The following PDE2A variants were observed in gnomAD, a reference collection of about 807,000 sequenced individuals.
The protein encoded by PDE2A is cGMP-dependent 3',5'-cyclic phosphodiesterase.
A neutral mutation model predicts 133.6 loss-of-function variants in PDE2A; 53 were observed. The ratio of observed to expected loss-of-function variants is 0.40; its 90% CI spans 0.32 to 0.50. The LOEUF (loss-of-function observed/expected upper bound fraction) is 0.50. Ranked by LOEUF, PDE2A falls within the 20% of genes least tolerant of loss-of-function variation. The pLI is 0.73. For missense variants in PDE2A, 796 were observed against 1,232.4 expected (o/e 0.65, Z 5.30); for synonymous variants, 491 against 490.2 (o/e 1.00, Z -0.02).
chr11:72,595,524 C>A (rs996908233), intron 6 of PDE2A, among the ~76,000 whole-genome samples: 5 of 152,062 alleles, frequency 3.3e-5, no homozygotes, highest in East Asian at 1.9e-4. Context: ...CTCCCCTCCC[C>A]CCTCTCCTCC....
Position 72,590,492 on chromosome 11 carries a change from G to T in PDE2A, c.638C>A (p.Thr213Lys). ...CGCCCCGCCCTTCTGGTCTTCCGCC[G>T]TCCCCTCCGGGGGGTTCTGGACGGC... ...PRAVQNPPEG[T>K]AEDQKGGAAY... The change falls in exon 8 of 31, where the codon ACG (threonine) becomes AAG (lysine). Residue 213 changes from threonine to lysine, a missense_variant. Around this residue, in one of 7 missense-constraint regions of PDE2A, gnomAD observed 417 missense variants for 475.3 expected, o/e 0.88. Coordinates refer to ENST00000334456, the MANE Select transcript of PDE2A (RefSeq NM_002599.5). This position sits in a 1 kb window ranked among gnomAD's most constrained non-coding sequence, Gnocchi z 4.8. 1 of 1,520,300 alleles carries T rather than the reference G, an allele frequency of 6.6e-7. No individual in the cohort carries two copies. The highest frequency in any genetic ancestry group is 8.8e-7 in the Non-Finnish European group (1 of 1,138,374). The allele number at this position is 1,520,300 out of a possible 1,614,324, so 94.2% of individuals were successfully genotyped here.
chr11:72,600,393 C>T (rs1036234754), intron 4 of PDE2A, among the ~76,000 whole-genome samples: 1 of 152,090 alleles, frequency 6.6e-6, no homozygotes, highest in South Asian at 2.1e-4. Context: ...TTCCAAGGAC[C>T]CTCAATTCTT....
intron 2 of PDE2A, among the ~76,000 whole-genome samples, chr11:72,637,588 C>T (rs1283304499): frequency 2.6e-5 from 4 of 152,222 alleles, no homozygotes; most frequent in Non-Finnish European, 5.9e-5. Flanking sequence ...TATGTCAGTC[C>T]TAAGGCAGCA....
At chr11:72,633,438 A>G (rs901214775) in intron 2 of PDE2A, among the ~76,000 whole-genome samples, 1 of 152,176 alleles carries the variant, frequency 6.6e-6, no homozygotes, top group African/African-American at 2.4e-5. Flanking sequence ...CTAGGCTCAC[A>G]GAGTTCAGTT....
At chr11:72,601,122 C>A (rs12805517) in intron 4 of PDE2A, among the ~76,000 whole-genome samples, 1 of 133,454 alleles carries the variant, frequency 7.5e-6, no homozygotes, top group South Asian at 2.7e-4. Flanking sequence ...GGAACCCCAT[C>A]CCCCCAGGGA....
chr11:72,584,839 C>T (rs1034796114), intron 17 of PDE2A, 33 bp downstream of exon 17: 9 of 1,611,560 alleles, frequency 5.6e-6, no homozygotes, highest in African/African-American at 1.3e-5. Context: ...CCGGACACCC[C>T]TAGGGCCACA....
chr11:72,636,606 C>T (rs541349714), intron 2 of PDE2A, among the ~76,000 whole-genome samples: 1 of 152,272 alleles, frequency 6.6e-6, no homozygotes, highest in Non-Finnish European at 1.5e-5. Flanking sequence ...GTCTTCCCTC[C>T]TATACATCTC....
chr11:72,661,752 G>T (rs1461670576), intron 1 of PDE2A, among the ~76,000 whole-genome samples: 1 of 152,242 alleles, frequency 6.6e-6, no homozygotes, highest in African/African-American at 2.4e-5. Context: ...TGACTATCTT[G>T]GCATCTGTGT....
chr11:72,588,355 C>A (rs1856073512), intron 13 of PDE2A, among the ~76,000 whole-genome samples: 1 of 151,430 alleles, frequency 6.6e-6, no homozygotes, highest in Non-Finnish European at 1.5e-5. Flanking sequence ...TTTTGTGTAT[C>A]ATTTTTATAG....
rs1158423281 is a variant in PDE2A at position 72,582,556 on chromosome 11, T to A, written c.1739A>T (p.Asp580Val). ...MMMYHMKVSD[D>V]EYTKLLHDGI... ...ATCATGGAGAAGTTTGGTATACTCA[T>A]CATCGGAGACCTAGAGGAGACCAGC... The change falls in exon 21 of 31, where the codon GAT becomes GTT. Residue 580 changes from aspartate (D) to valine (V), a missense_variant. Asp to Val is a radical substitution (Grantham distance 152). Coordinates refer to ENST00000334456, the MANE Select transcript of PDE2A (RefSeq NM_002599.5). 1 of 1,613,224 alleles carries A rather than the reference T, an allele frequency of 6.2e-7. No homozygotes were observed. The highest frequency in any genetic ancestry group is 8.5e-7 in the Non-Finnish European group (1 of 1,179,496).
At position 72,578,734 on chromosome 11, in the gene PDE2A, C is replaced by T. The variant is rs1215836605; in HGVS notation, c.2469+163G>A. 6.6e-6 allele frequency among the ~76,000 whole-genome samples: 1 copy of T among 152,204 alleles called. No homozygotes were observed. Among genetic ancestry groups the T allele is most frequent in the African/African-American group, 2.4e-5 (1 of 41,446 alleles). ...AGCCACTGACTTGCTAGGTCTGTTC[C>T]CCTCTCTGAGTCTCCATTTGTCACC... On this transcript the variant is annotated intron_variant, in intron 28 of 30. Transcript: ENST00000334456. This position sits in a 1 kb window ranked among gnomAD's most constrained non-coding sequence, Gnocchi z 4.2.
At chr11:72,664,469 G>C (rs1228384038) in intron 1 of PDE2A, among the ~76,000 whole-genome samples, 2 of 138,204 alleles carry the variant, frequency 1.4e-5, no homozygotes, top group Non-Finnish European at 3.0e-5. Flanking sequence ...CGCCTCCTGA[G>C]TTCATGCCAT....
chr11:72,640,910 A>T (rs1319548381), intron 2 of PDE2A, among the ~76,000 whole-genome samples: 2 of 152,144 alleles, frequency 1.3e-5, no homozygotes. Context: ...CACATAGCAC[A>T]CAATGCCATA....
intron 2 of PDE2A, among the ~76,000 whole-genome samples, chr11:72,641,421 G>T (rs557727985): frequency 6.6e-6 from 1 of 152,226 alleles, no homozygotes; most frequent in African/African-American, 2.4e-5. Flanking sequence ...AGAGGAAGGG[G>T]TGGCTGCAGA....
rs544377650 is a variant in PDE2A, at chr11:72,615,363, A to T, written c.145-6612T>A. ...GTTTGGGGGTGGATGAAGGAATGGG[A>T]AGAGGGAAAGAGCAGGAGAAGGCAG... On this transcript the variant is annotated intron_variant, in intron 2 of 30. Transcript: ENST00000334456. 2.1e-4 allele frequency among the ~76,000 whole-genome samples: 32 copies of T among 152,318 alleles called. 1 individual carries two copies. The highest frequency in any genetic ancestry group is 3.4e-3 in the Middle Eastern group (1 of 294).
Position 72,589,196 on chromosome 11 carries a change from G to A in PDE2A, c.918C>T (p.Ile306=). Residue 306 remains isoleucine, a synonymous_variant, in exon 12 of 31, where the codon ATC becomes ATT. Coordinates refer to ENST00000334456, the MANE Select transcript of PDE2A (RefSeq NM_002599.5). Reference sequence around the variant, plus strand: ...TTACGGAGGTGAGGTCCTTCAGCTGGATGGACTTCTTGTCTTCCACCACCT... The same window carrying A: ...TTACGGAGGTGAGGTCCTTCAGCTGAATGGACTTCTTGTCTTCCACCACCT... ...LGQVVEDKKS[I]QLKDLTSEDV... 2 of 1,613,852 alleles carry A rather than the reference G, an allele frequency of 1.2e-6. No homozygotes were observed. Among genetic ancestry groups the A allele is most frequent in the Non-Finnish European group, 8.5e-7 (1 of 1,179,838 alleles).
intron 1 of PDE2A, among the ~76,000 whole-genome samples, chr11:72,663,197 A>T (rs545396546): frequency 2.8e-4 from 43 of 152,280 alleles, no homozygotes; most frequent in African/African-American, 9.6e-4. Flanking sequence ...GTCCATCTCC[A>T]TGGCCAGGGT....
chr11:72,668,850 C>G (rs965781009), intron 1 of PDE2A, among the ~76,000 whole-genome samples: 2 of 152,184 alleles, frequency 1.3e-5, no homozygotes, highest in African/African-American at 4.8e-5. Flanking sequence ...CTTTGTGCTT[C>G]TCACCGTAGC....
intron 2 of PDE2A, among the ~76,000 whole-genome samples, chr11:72,635,610 C>T (rs2030550263): frequency 6.6e-6 from 1 of 152,218 alleles, no homozygotes; most frequent in Admixed American, 6.5e-5. Flanking sequence ...CACAGACTAA[C>T]AATTCCAGAT....
Sources: allele counts gnomAD v4.1 joint callset (sites outside exome capture counted in the v4.1 genomes callset), GRCh38; gene constraint gnomAD v4.1.1; regional missense constraint gnomAD v4.1.1; non-coding constraint Gnocchi (gnomAD v3.1); transcripts MANE v1.5; gene names NCBI Gene and HGNC (gene_info 2026-07-23, HGNC 2026-07-21).